DPF3: variants seen among roughly 807,000 people sequenced by gnomAD.
The protein encoded by DPF3 is double PHD fingers 3, also known as zinc finger protein DPF3.
In DPF3, 18 loss-of-function variants were observed where a neutral mutation model predicts 56.8. That is an observed-to-expected ratio of 0.32 (90% CI 0.22 to 0.47). The LOEUF (loss-of-function observed/expected upper bound fraction) is 0.47, where lower values mean the gene tolerates loss of function less well. Among genes scored for constraint, DPF3 ranks in the 20% least tolerant of loss-of-function variants. DPF3 has a pLI of 1.00. For missense variants in DPF3, 403 were observed against 488.8 expected (o/e 0.82, Z 1.65); for synonymous variants, 188 against 180.2 (o/e 1.04, Z -0.35).
At chr14:72,811,877 TGGTGGC>T (rs1248479730) in intron 1 of DPF3, among the ~76,000 whole-genome samples, 1 of 152,032 alleles carries the variant, frequency 6.6e-6, no homozygotes, top group Non-Finnish European at 1.5e-5. Flanking sequence ...TTTGGAGAGT[TGGTGGC>T]TTGCTCCAGG....
At chr14:72,753,737 C>A (rs969528365) in intron 2 of DPF3, among the ~76,000 whole-genome samples, 1 of 152,188 alleles carries the variant, frequency 6.6e-6, no homozygotes, top group Non-Finnish European at 1.5e-5. Context: ...CTATCCTGAT[C>A]CAGGTTAAGC....
At chr14:72,785,032 T>C (rs1007187724) in intron 1 of DPF3, among the ~76,000 whole-genome samples, 5 of 151,782 alleles carry the variant, frequency 3.3e-5, no homozygotes, top group Non-Finnish European at 7.4e-5. Flanking sequence ...ATGCCTGGAA[T>C]CCCAGCACTT....
chr14:72,700,570 G>A (rs983196653), intron 6 of DPF3, among the ~76,000 whole-genome samples: 2 of 152,200 alleles, frequency 1.3e-5, no homozygotes, highest in East Asian at 1.9e-4. Flanking sequence ...AGTCTGGCCA[G>A]AGTGATTAGC....
At chr14:72,784,825 C>A (rs1348191781) in intron 1 of DPF3, among the ~76,000 whole-genome samples, 1 of 152,008 alleles carries the variant, frequency 6.6e-6, no homozygotes. Flanking sequence ...GGCTTGGTAG[C>A]AGGTGCCTGT....
intron 1 of DPF3, among the ~76,000 whole-genome samples, chr14:72,824,551 C>CTTTTTT (rs375498304): frequency 2.8e-5 from 4 of 143,236 alleles, no homozygotes; most frequent in African/African-American, 7.7e-5. Context: ...TTTTCTTTTT[C>CTTTTTT]TTTTTTTTTT....
chr14:72,893,542 C>A (rs1858027095), intron 1 of DPF3, among the ~76,000 whole-genome samples: 2 of 152,202 alleles, frequency 1.3e-5, no homozygotes, highest in South Asian at 2.1e-4. Context: ...GAGCGCCCTG[C>A]AAACTCCGGA....
At chr14:72,743,085 G>A (rs1198524069) in intron 3 of DPF3, among the ~76,000 whole-genome samples, 3 of 152,126 alleles carry the variant, frequency 2.0e-5, no homozygotes, top group Non-Finnish European at 2.9e-5. Context: ...CATCCTGGTC[G>A]TTCATCCCCA....
At position 72,611,117 on chromosome 14, in the gene DPF3, C is replaced by T. The variant is rs1338235486; in HGVS notation, c.*8180G>A. ...CCAGAGGAGCCTTCCCTTGGGCCAC[C>T]CCCCACAGAGAAGCTATAGCTCTGA... On this transcript the variant is annotated 3_prime_UTR_variant, in exon 11 of 11. Coordinates refer to ENST00000556509, the MANE Select transcript of DPF3 (RefSeq NM_001280542.3). 6.6e-6 allele frequency among the ~76,000 whole-genome samples: 1 copy of T among 152,166 alleles called. No homozygotes were observed. Among genetic ancestry groups the T allele is most frequent in the Admixed American group, 6.5e-5 (1 of 15,278 alleles).
At chr14:72,661,796 T>A in intron 8 of DPF3, 1 of 985,028 alleles carries the variant, frequency 1.0e-6, no homozygotes, top group Non-Finnish European at 1.2e-6. Flanking sequence ...TCCTCATCTC[T>A]TCTAGGAGTT....
chr14:72,821,418 C>T (rs577647942), intron 1 of DPF3, among the ~76,000 whole-genome samples: 2 of 152,248 alleles, frequency 1.3e-5, no homozygotes, highest in African/African-American at 4.8e-5. Flanking sequence ...CCCCATTCTC[C>T]ACCAACAAAA....
chr14:72,780,487 A>G (rs1028202417), intron 1 of DPF3, among the ~76,000 whole-genome samples: 2 of 152,200 alleles, frequency 1.3e-5, no homozygotes, highest in Non-Finnish European at 1.5e-5. Flanking sequence ...GCTTGACTGA[A>G]CTATCATGTC....
chr14:72,744,384 T>C (rs891366703), intron 3 of DPF3, among the ~76,000 whole-genome samples: 1 of 152,026 alleles, frequency 6.6e-6, no homozygotes, highest in Admixed American at 6.6e-5. Context: ...TTGATCCTCC[T>C]ACCTCAGCCT....
At chr14:72,888,830 CAA>C (rs2140134748) in intron 1 of DPF3, among the ~76,000 whole-genome samples, 1 of 152,262 alleles carries the variant, frequency 6.6e-6, no homozygotes, top group African/African-American at 2.4e-5. Flanking sequence ...TCAAAAACCA[CAA>C]AAGTTACTTT....
At chr14:72,641,418 T>A (rs1885561744) in intron 8 of DPF3, among the ~76,000 whole-genome samples, 1 of 152,338 alleles carries the variant, frequency 6.6e-6, no homozygotes, top group Non-Finnish European at 1.5e-5. Flanking sequence ...CCTGCCAGCC[T>A]CAGTTTCTGT....
intron 6 of DPF3, among the ~76,000 whole-genome samples, chr14:72,704,309 A>G (rs1047187937): frequency 5.3e-5 from 8 of 152,228 alleles, no homozygotes; most frequent in Admixed American, 5.2e-4. Context: ...TAAATAATAA[A>G]TGTCATTGTC....
chr14:72,831,218 A>C (rs923681505), intron 1 of DPF3, among the ~76,000 whole-genome samples: 92 of 152,232 alleles, frequency 6.0e-4, no homozygotes, highest in Middle Eastern at 3.4e-3. Context: ...GTGACGCGGG[A>C]GGGGATTCCG....
chr14:72,700,065 G>T (rs1888093530), intron 6 of DPF3, among the ~76,000 whole-genome samples: 2 of 152,242 alleles, frequency 1.3e-5, no homozygotes, highest in Admixed American at 6.5e-5. Context: ...TTTCATCATA[G>T]GGGCAAGAGG....
intron 1 of DPF3, among the ~76,000 whole-genome samples, chr14:72,848,790 T>C (rs1007086982): frequency 2.6e-5 from 4 of 152,176 alleles, no homozygotes; most frequent in African/African-American, 9.7e-5. Context: ...GCATTTGCAA[T>C]AGGAAAGGGG....
intron 8 of DPF3, among the ~76,000 whole-genome samples, chr14:72,636,599 G>C (rs1473135633): frequency 1.3e-5 from 2 of 152,192 alleles, no homozygotes; most frequent in African/African-American, 4.8e-5. Flanking sequence ...CCAATTCTGA[G>C]CAATCAAAAG....
Sources: allele counts gnomAD v4.1 joint callset (sites outside exome capture counted in the v4.1 genomes callset), GRCh38; gene constraint gnomAD v4.1.1; transcripts MANE v1.5; gene names NCBI Gene and HGNC (gene_info 2026-07-23, HGNC 2026-07-21).